The following RASGRP3 variants were observed in gnomAD, a reference collection of about 807,000 sequenced individuals.
The protein encoded by RASGRP3 is RAS guanyl releasing protein 3.
A neutral mutation model predicts 82.7 loss-of-function variants in RASGRP3; 54 were observed. That is an observed-to-expected ratio of 0.65 (90% CI 0.52 to 0.82). The LOEUF (loss-of-function observed/expected upper bound fraction) is 0.82, where lower values mean the gene tolerates loss of function less well. Among genes scored for constraint, RASGRP3 ranks in the 40% least tolerant of loss-of-function variants. The pLI is 0.00. For synonymous variants in RASGRP3, 309 were observed against 300.5 expected, an observed-to-expected ratio of 1.03 and a Z score of -0.29; for missense variants, 861 against 828.9, an observed-to-expected ratio of 1.04 and a Z score of -0.48.
At chr2:33,553,163 A>G (rs1675540336) in intron 14 of RASGRP3, among the ~76,000 whole-genome samples, 1 of 140,862 alleles carries the variant, frequency 7.1e-6, no homozygotes, top group African/African-American at 2.7e-5. Context: ...GTCTCTTCTT[A>G]AATCTTATCC....
intron 12 of RASGRP3, chr2:33,539,825 A>C (rs1674058579): frequency 6.6e-6 from 1 of 151,862 alleles, no homozygotes; most frequent in Admixed American, 6.6e-5. Context: ...TGTCCCTACT[A>C]AAAATACAAA....
At chr2:33,556,794 A>G (rs1449105114) in intron 15 of RASGRP3, among the ~76,000 whole-genome samples, 1 of 151,724 alleles carries the variant, frequency 6.6e-6, no homozygotes. Flanking sequence ...GGTCTAACTT[A>G]GATTTTTACT....
At chr2:33,444,074 G>A (rs925552802) in intron 1 of RASGRP3, among the ~76,000 whole-genome samples, 15 of 152,084 alleles carry the variant, frequency 9.9e-5, no homozygotes, top group African/African-American at 1.2e-4. Flanking sequence ...AGGCAAAGGT[G>A]GGAGGATTGC....
At chr2:33,447,105 CAAAA>C (rs1161927671) in intron 1 of RASGRP3, among the ~76,000 whole-genome samples, 5 of 59,278 alleles carry the variant, frequency 8.4e-5, no homozygotes, top group Admixed American at 1.9e-4. Flanking sequence ...GACTCCGTCT[CAAAA>C]AAAAAAAAAA....
intron 2 of RASGRP3, among the ~76,000 whole-genome samples, chr2:33,451,100 G>A (rs561723844): frequency 2.0e-5 from 3 of 151,728 alleles, no homozygotes; most frequent in African/African-American, 2.4e-5. Context: ...TCCTGACCTC[G>A]TGATCTGCCC....
chr2:33,558,654 A>T lies in RASGRP3; in HGVS notation c.1706-18A>T. On this transcript the variant is annotated intron_variant, in intron 16 of 17. Coordinates refer to ENST00000403687, the MANE Select transcript of RASGRP3 (RefSeq NM_001139488.2). ...AGCAGTCAGATGTCAAATAATCACCACCCTTTTTCACTTCCAGCGCAGGAT... is the reference window on the plus strand; with the variant it reads ...AGCAGTCAGATGTCAAATAATCACCTCCCTTTTTCACTTCCAGCGCAGGAT... 6.4e-7 allele frequency: 1 copy of T among 1,563,716 alleles called. No homozygotes were observed. Among genetic ancestry groups the T allele is most frequent in the South Asian group, 1.2e-5 (1 of 83,070 alleles).
intron 1 of RASGRP3, among the ~76,000 whole-genome samples, chr2:33,445,586 G>A (rs756630351): frequency 4.9e-4 from 74 of 151,986 alleles, no homozygotes; most frequent in Non-Finnish European, 9.0e-4. Context: ...AAAATGCCAC[G>A]TATCTACAAC....
intron 2 of RASGRP3, among the ~76,000 whole-genome samples, chr2:33,464,096 T>TCAATAA (rs1666536873): frequency 1.5e-5 from 2 of 134,534 alleles, no homozygotes; most frequent in Non-Finnish European, 3.2e-5. Flanking sequence ...ATATTCAAAC[T>TCAATAA]TAATAATAAT....
intron 1 of RASGRP3, among the ~76,000 whole-genome samples, chr2:33,495,382 T>C (rs1368800091): frequency 6.6e-6 from 1 of 152,116 alleles, no homozygotes; most frequent in Non-Finnish European, 1.5e-5. Context: ...TAGTTCACAA[T>C]AGGGTTTGTG....
At chr2:33,468,624 T>C (rs570681721) in intron 2 of RASGRP3, among the ~76,000 whole-genome samples, 2 of 152,108 alleles carry the variant, frequency 1.3e-5, no homozygotes, top group Non-Finnish European at 2.9e-5. Flanking sequence ...ATGGTCTTGA[T>C]CTCCTGACCT....
At chr2:33,436,696 G>C (rs1639176597) in intron 1 of RASGRP3, 1 of 152,210 alleles carries the variant, frequency 6.6e-6, no homozygotes, top group African/African-American at 2.4e-5. Flanking sequence ...CGATCCTCAT[G>C]TAACTTTTCA....
At position 33,562,748 on chromosome 2, in the gene RASGRP3, C is replaced by T. The variant is rs184802986; in HGVS notation, c.*11C>T. On this transcript the variant is annotated 3_prime_UTR_variant, in exon 18 of 18. Transcript: ENST00000403687. Reference sequence around the variant, plus strand: ...TTTCAGGATGGCTGACTTCAGGCTGCGGAAACTGAAGGCAATAATGTTGGC... The same window carrying T: ...TTTCAGGATGGCTGACTTCAGGCTGTGGAAACTGAAGGCAATAATGTTGGC... The T allele has an allele frequency of 5.3e-5, 85 of 1,613,206 alleles. No homozygotes were observed. The South Asian group carries it at 6.8e-4, about 13-fold the overall frequency.
At chr2:33,492,869 C>T (rs948136465) in intron 1 of RASGRP3, among the ~76,000 whole-genome samples, 2 of 152,130 alleles carry the variant, frequency 1.3e-5, no homozygotes, top group African/African-American at 2.4e-5. Context: ...GGGAGGGGAA[C>T]ATTCTAGTGA....
At chr2:33,510,856 C>T (rs1468462927) in intron 1 of RASGRP3, among the ~76,000 whole-genome samples, 9 of 152,204 alleles carry the variant, frequency 5.9e-5, no homozygotes, top group East Asian at 1.9e-4. Flanking sequence ...GAGTCAAGAG[C>T]CTGGTATGCT....
intron 12 of RASGRP3, 114 bp from the exon 13 acceptor site, chr2:33,543,398 A>G: frequency 3.2e-6 from 2 of 622,464 alleles, no homozygotes; most frequent in South Asian, 4.4e-5. Flanking sequence ...ATCTTTCACT[A>G]GATTCTAACC....
At chr2:33,514,767 G>A (rs1671286336) in intron 2 of RASGRP3, among the ~76,000 whole-genome samples, 1 of 152,070 alleles carries the variant, frequency 6.6e-6, no homozygotes, top group Non-Finnish European at 1.5e-5. Context: ...AATTTCAGCA[G>A]TGAAGTGGGA....
intron 15 of RASGRP3, among the ~76,000 whole-genome samples, chr2:33,556,280 G>A (rs1342706839): frequency 4.7e-5 from 3 of 63,764 alleles, no homozygotes; most frequent in Non-Finnish European, 7.6e-5. Context: ...TCGCTCTGTC[G>A]CCCAGGCCGG....
intron 1 of RASGRP3, among the ~76,000 whole-genome samples, chr2:33,477,681 TGGTAGTCA>T (rs1336272499): frequency 6.6e-6 from 1 of 152,186 alleles, no homozygotes; most frequent in Non-Finnish European, 1.5e-5. Context: ...TGTCCTTCCT[TGGTAGTCA>T]CCAGACAGAA....
At chr2:33,470,600 C>T (rs940295301) in intron 2 of RASGRP3, among the ~76,000 whole-genome samples, 28 of 151,898 alleles carry the variant, frequency 1.8e-4, no homozygotes, top group African/African-American at 6.5e-4. Context: ...AGGATAGTCT[C>T]GATCTCCTGA....
Sources: gnomAD v4.1 joint callset for allele counts (sites outside exome capture counted in the v4.1 genomes callset) on GRCh38, gnomAD v4.1.1 for gene constraint, MANE v1.5 for transcripts, NCBI Gene and HGNC (gene_info 2026-07-23, HGNC 2026-07-21) for gene names.